The following MOK variants were observed in gnomAD, a reference collection of about 807,000 sequenced individuals.
MOK encodes MOK protein kinase.
Under a neutral mutation model 54.2 loss-of-function variants are expected in MOK, and 59 were observed. That is an observed-to-expected ratio of 1.09 (90% confidence interval 0.88 to 1.35). MOK has a LOEUF of 1.35. MOK is among the 40% of genes most tolerant of loss of function. The probability of loss-of-function intolerance (pLI) is 0.00; values close to 1 mark genes in which losing one functional copy is unlikely to be tolerated. For missense variants in MOK, 517 were observed against 526.2 expected (o/e 0.98, Z 0.17); for synonymous variants, 210 against 202.7 (o/e 1.04, Z -0.31).
intron 6 of MOK, 76 bp downstream of exon 6, chr14:102,251,677 TAGG>T (rs923672791): frequency 1.1e-4 from 126 of 1,130,606 alleles, no homozygotes; most frequent in Non-Finnish European, 1.4e-4. Context: ...GTTCCTCTGG[TAGG>T]AGGAGAAAAC....
downstream of MOK, chr14:102,226,106 G>GTC (rs1243042970): frequency 4.4e-5 from 25 of 571,970 alleles, no homozygotes; most frequent in Admixed American, 5.5e-4. This position sits in a 1 kb window ranked among gnomAD's most constrained non-coding sequence, Gnocchi z 4.8. Flanking sequence ...GCTGCCGCCT[G>GTC]TCACACGAAG....
intron 4 of MOK, among the ~76,000 whole-genome samples, chr14:102,263,135 G>A (rs2153132707): frequency 6.6e-6 from 1 of 152,368 alleles, no homozygotes; most frequent in Non-Finnish European, 1.5e-5. Flanking sequence ...TCACATGCAG[G>A]GCAGTATTTT....
chr14:102,255,305 G>GA (rs1302606328), intron 4 of MOK, among the ~76,000 whole-genome samples: 2 of 152,066 alleles, frequency 1.3e-5, no homozygotes, highest in Non-Finnish European at 2.9e-5. Context: ...GTGACACAGT[G>GA]AGACTCTGTC....
chr14:102,300,323 CAAAAAA>C (rs71468398), intron 1 of MOK, among the ~76,000 whole-genome samples: 9 of 38,478 alleles, frequency 2.3e-4, no homozygotes, highest in African/African-American at 6.0e-4. Flanking sequence ...AACTCTATCT[CAAAAAA>C]AAAAAAAAAA....
At chr14:102,246,977 C>A (rs2066140939) in intron 7 of MOK, among the ~76,000 whole-genome samples, 1 of 152,106 alleles carries the variant, frequency 6.6e-6, no homozygotes, top group African/African-American at 2.4e-5. Flanking sequence ...AGCCCCCCAG[C>A]CCTTGACACC....
chr14:102,268,465 TTTTG>T (rs1174300959), intron 2 of MOK, among the ~76,000 whole-genome samples: 5 of 152,172 alleles, frequency 3.3e-5, no homozygotes, highest in African/African-American at 1.2e-4. Context: ...TTCAGTTTGT[TTTTG>T]TTTATTGTTC....
At chr14:102,234,574 G>A (rs1230649665) in intron 7 of MOK, among the ~76,000 whole-genome samples, 1 of 152,034 alleles carries the variant, frequency 6.6e-6, no homozygotes, top group Admixed American at 6.6e-5. Context: ...GACGTCACCG[G>A]CAGTCTCTTC....
chr14:102,244,386 C>A (rs925502275), intron 7 of MOK, among the ~76,000 whole-genome samples: 1 of 152,202 alleles, frequency 6.6e-6, no homozygotes, highest in African/African-American at 2.4e-5. Flanking sequence ...CTCACAGGCC[C>A]ATTCTATTCT....
chr14:102,296,351 T>C (rs1401925054), intron 1 of MOK, among the ~76,000 whole-genome samples: 1 of 152,064 alleles, frequency 6.6e-6, no homozygotes, highest in African/African-American at 2.4e-5. Context: ...ATATTTAATG[T>C]AATCCCATTT....
At chr14:102,279,189 T>C (rs61992537) in intron 2 of MOK, among the ~76,000 whole-genome samples, 17,289 of 151,752 alleles carry the variant, frequency 0.11, 1,347 homozygotes, top group South Asian at 0.19. Context: ...AGGGAGATCC[T>C]ACAAATACCA....
At chr14:102,288,085 C>T (rs925248082) in intron 1 of MOK, among the ~76,000 whole-genome samples, 2 of 150,616 alleles carry the variant, frequency 1.3e-5, no homozygotes, top group Non-Finnish European at 2.9e-5. Context: ...CCACCCGCCT[C>T]GGCCTCCCAA....
chr14:102,226,205 G>C, downstream of MOK: 2 of 621,084 alleles, frequency 3.2e-6, no homozygotes, highest in Non-Finnish European at 5.8e-6. This position sits in a 1 kb window ranked among gnomAD's most constrained non-coding sequence, Gnocchi z 4.8. Flanking sequence ...GCCAGTGTGG[G>C]GTGTGACTGG....
At position 102,292,758 on chromosome 14, in the gene MOK, G is replaced by GA. The variant is rs879619335; in HGVS notation, c.8-9167dup. 2.9e-3 allele frequency among the ~76,000 whole-genome samples: 400 copies of GA among 140,062 alleles called. 3 individuals carry two copies. Among genetic ancestry groups the GA allele is most frequent in the African/African-American group, 8.6e-3 (329 of 38,354 alleles). 91.9% of individuals were successfully genotyped at this position (140,062 alleles called of 152,430 possible). On this transcript the variant is annotated intron_variant, in intron 1 of 11. Coordinates refer to ENST00000361847, the MANE Select transcript of MOK (RefSeq NM_014226.3). ...CACTTAGAGAAACAAAAACCAACAG[G>GA]AAAAAAAAAAAGCTTGGGGAATTAA...
At chr14:102,223,755 T>A (rs1159949492), downstream of MOK, 1 of 152,242 alleles carries the variant, frequency 6.6e-6, no homozygotes, top group Non-Finnish European at 1.5e-5. Flanking sequence ...TTGTTTTGTC[T>A]TTTTCACCCC....
Position 102,249,781 on chromosome 14 carries a change from A to T in MOK, c.590+1031T>A, listed in dbSNP as rs951885743. Among the ~76,000 whole-genome samples, 2 of 152,264 alleles carry T rather than the reference A, an allele frequency of 1.3e-5. No individual in the cohort carries two copies. The highest frequency in any genetic ancestry group is 6.5e-5 in the Admixed American group (1 of 15,286). On this transcript the variant is annotated intron_variant, in intron 7 of 11. Transcript: ENST00000361847. This position sits in a 1 kb window ranked among gnomAD's most constrained non-coding sequence, Gnocchi z 5.3. ...ATATTACATGCCACAAATAATATTT[A>T]AAAATACAGCTCTGGTAGTAGGCCT...
At chr14:102,224,037 ATTTT>A (rs533802492), downstream of MOK, among the ~76,000 whole-genome samples, 4 of 123,114 alleles carry the variant, frequency 3.2e-5, no homozygotes, top group East Asian at 2.3e-4. Context: ...TTTACCTGAG[ATTTT>A]TTTTTTTTTT....
intron 4 of MOK, among the ~76,000 whole-genome samples, chr14:102,252,324 G>A (rs941392023): frequency 3.3e-5 from 5 of 151,842 alleles, no homozygotes; most frequent in Non-Finnish European, 7.4e-5. Flanking sequence ...GTGTGGTGGC[G>A]GGTGCCTGTA....
At chr14:102,302,899 C>T (rs1338013564) in intron 1 of MOK, among the ~76,000 whole-genome samples, 1 of 151,170 alleles carries the variant, frequency 6.6e-6, no homozygotes, top group African/African-American at 2.4e-5. Flanking sequence ...CAGTGGCTCG[C>T]GTCTGTAATT....
At chr14:102,263,508 A>G in intron 4 of MOK, 38 bp downstream of exon 4, 9 of 1,431,504 alleles carry the variant, frequency 6.3e-6, no homozygotes, top group Non-Finnish European at 8.7e-6. Context: ...AAGCCTTAAA[A>G]GAGGATCTTA....
Sources: gnomAD v4.1 joint callset for allele counts (sites outside exome capture counted in the v4.1 genomes callset) on GRCh38, gnomAD v4.1.1 for gene constraint, Gnocchi (gnomAD v3.1) non-coding constraint, MANE v1.5 for transcripts, NCBI Gene and HGNC (gene_info 2026-07-23, HGNC 2026-07-21) for gene names.